PDE6A: variants seen among roughly 807,000 people sequenced by gnomAD.
The protein encoded by PDE6A is rod cGMP-specific 3',5'-cyclic phosphodiesterase subunit alpha.
Under a neutral mutation model 106.3 loss-of-function variants are expected in PDE6A, and 84 were observed. The ratio of observed to expected loss-of-function variants is 0.79; its 90% CI spans 0.66 to 0.95. The LOEUF is 0.95. Ranked by LOEUF, PDE6A falls within the 40% of genes least tolerant of loss-of-function variation. The pLI is 0.00. For missense variants in PDE6A, 1,052 were observed against 1,084.9 expected, an observed-to-expected ratio of 0.97 and a Z score of 0.43; for synonymous variants, 394 against 386.6, an observed-to-expected ratio of 1.02 and a Z score of -0.23.
rs1269635491 is a variant in PDE6A at position 149,907,307 on chromosome 5, C to T, written c.1065+5G>A. On this transcript the variant is annotated splice_donor_5th_base_variant and intron_variant, in intron 7 of 21. Coordinates refer to ENST00000255266, the MANE Select transcript of PDE6A (RefSeq NM_000440.3). The stretch of plus-strand genomic sequence containing the variant: ...ACTCTCCCCCTTCAAAGTTATATTA[C>T]TTACCAGGCCATTCTGGGCAACATA... 2 of 1,608,860 alleles carry T rather than the reference C, an allele frequency of 1.2e-6. No individual in the cohort carries two copies. The highest frequency in any genetic ancestry group is 2.2e-5 in the East Asian group (1 of 44,858).
rs1760201109 is a variant in PDE6A at position 149,863,118 on chromosome 5, CCTGACTTGGCCGA to C, written c.2494_2506del (p.Ser832GlnfsTer56). 6.2e-7 allele frequency: 1 copy of C among 1,614,220 alleles called. No individual in the cohort carries two copies. Among genetic ancestry groups the C allele is most frequent in the Non-Finnish European group, 8.5e-7 (1 of 1,180,040 alleles). ...AGTCCCTGCTTCCCCCTTCCACAAA[CCTGACTTGGCCGA>C]CTGCTGTTTCTGCTTCTTCTCCTCC... On this transcript the variant is annotated frameshift_variant and splice_region_variant, in exon 21 of 22. Coordinates refer to ENST00000255266, the MANE Select transcript of PDE6A (RefSeq NM_000440.3). LOFTEE classifies it high-confidence loss of function. The surrounding 1 kb of genome is among the most constrained non-coding windows in gnomAD (Gnocchi z 4.7).
chr5:149,902,815 C>A (rs1313998261), intron 8 of PDE6A, among the ~76,000 whole-genome samples: 1 of 149,386 alleles, frequency 6.7e-6, no homozygotes, highest in African/African-American at 2.5e-5. Flanking sequence ...GAGCGAGACT[C>A]CGTCTCAAAA....
At chr5:149,896,888 A>C (rs1173501527) in intron 10 of PDE6A, 112 bp from the exon 11 acceptor site, 2 of 1,172,316 alleles carry the variant, frequency 1.7e-6, no homozygotes, top group Non-Finnish European at 2.5e-6. Flanking sequence ...CCACCAGCTC[A>C]AAGAGGATTC....
rs1554089501 is a variant in PDE6A at position 149,903,164 on chromosome 5, A to AAC, written c.1113+483_1113+484insGT. Among the ~76,000 whole-genome samples, 487 of 148,170 alleles carry AAC rather than the reference A, an allele frequency of 3.3e-3. 4 individuals are homozygous for AAC. The highest frequency in any genetic ancestry group is 0.018 in the Middle Eastern group (5 of 284). On this transcript the variant is annotated intron_variant, in intron 8 of 21. Transcript: ENST00000255266. ...ACCCTCTCTAAAAAAAAAAAAAAAA[A>AAC]AAAACAAAAGAAAACAACAACAACG...
At chr5:149,866,449 G>T in intron 19 of PDE6A, 196 bp from the exon 20 acceptor site, 1 of 533,154 alleles carries the variant, frequency 1.9e-6, no homozygotes, top group South Asian at 2.2e-5. Flanking sequence ...CAGAATGTGG[G>T]AAACTGCACA....
chr5:149,880,907 A>G (rs1346715281), intron 17 of PDE6A, among the ~76,000 whole-genome samples: 1 of 151,982 alleles, frequency 6.6e-6, no homozygotes, highest in Non-Finnish European at 1.5e-5. Context: ...AAAAAATACA[A>G]AAAAATTTAG....
chr5:149,875,082 T>C (rs1760690485), intron 17 of PDE6A, among the ~76,000 whole-genome samples: 1 of 152,162 alleles, frequency 6.6e-6, no homozygotes, highest in Non-Finnish European at 1.5e-5. Context: ...AGCTACATGC[T>C]ACCCAGGTGT....
intron 5 of PDE6A, among the ~76,000 whole-genome samples, chr5:149,921,155 A>G (rs1053383903): frequency 6.6e-6 from 1 of 152,186 alleles, no homozygotes; most frequent in Non-Finnish European, 1.5e-5. Flanking sequence ...AGCCTTGAGT[A>G]GGTTGCTTGA....
At chr5:149,935,800 G>C (rs895699827) in intron 1 of PDE6A, among the ~76,000 whole-genome samples, 1 of 152,222 alleles carries the variant, frequency 6.6e-6, no homozygotes, top group Non-Finnish European at 1.5e-5. Context: ...AACATGCTCA[G>C]CTCACGCCGT....
chr5:149,939,587 C>T (rs962653634), intron 1 of PDE6A, among the ~76,000 whole-genome samples: 1 of 152,142 alleles, frequency 6.6e-6, no homozygotes, highest in African/African-American at 2.4e-5. Context: ...CAATAGGAGC[C>T]ATTACGGTGT....
chr5:149,903,033 T>C (rs1753038500), intron 8 of PDE6A, among the ~76,000 whole-genome samples: 1 of 146,910 alleles, frequency 6.8e-6, no homozygotes, highest in African/African-American at 2.5e-5. Flanking sequence ...ACCTATAGTC[T>C]AGCTAATTGG....
intron 20 of PDE6A, among the ~76,000 whole-genome samples, chr5:149,865,329 G>C (rs1345211262): frequency 6.6e-6 from 1 of 151,506 alleles, no homozygotes; most frequent in Non-Finnish European, 1.5e-5. Flanking sequence ...AGGATCATTT[G>C]GGCCTGGGAG....
At chr5:149,897,390 G>T (rs1479813212) in intron 10 of PDE6A, among the ~76,000 whole-genome samples, 1 of 152,156 alleles carries the variant, frequency 6.6e-6, no homozygotes, top group East Asian at 1.9e-4. Context: ...CTGGTTCACC[G>T]AGGCTGTGCC....
At chr5:149,897,998 G>C (rs1388275955) in intron 10 of PDE6A, among the ~76,000 whole-genome samples, 1 of 152,146 alleles carries the variant, frequency 6.6e-6, no homozygotes, top group Admixed American at 6.5e-5. Context: ...GCTATGGCTG[G>C]TTGACTCTGT....
rs73269791 is a variant in PDE6A, at chr5:149,936,686, A to T, written c.475-1968T>A. Among the ~76,000 whole-genome samples the T allele has an allele frequency of 3.0e-3, 452 of 152,356 alleles. 1 individual carries two copies. The highest frequency in any genetic ancestry group is 0.011 in the African/African-American group (439 of 41,596). On this transcript the variant is annotated intron_variant, in intron 1 of 21. Coordinates refer to ENST00000255266, the MANE Select transcript of PDE6A (RefSeq NM_000440.3). Reference sequence around the variant, plus strand: ...ATCATCCCTATATATTCAGCATATAAAGTGTTCTAAACAACCATGTCACAG... The same window carrying T: ...ATCATCCCTATATATTCAGCATATATAGTGTTCTAAACAACCATGTCACAG...
At chr5:149,920,790 T>A (rs983608543) in intron 5 of PDE6A, among the ~76,000 whole-genome samples, 1 of 151,728 alleles carries the variant, frequency 6.6e-6, no homozygotes, top group Non-Finnish European at 1.5e-5. Flanking sequence ...TTCCCAGCAC[T>A]TTGGGAGGCC....
At position 149,936,726 on chromosome 5, in the gene PDE6A, A is replaced by G. The variant is rs530803645; in HGVS notation, c.475-2008T>C. On this transcript the variant is annotated intron_variant, in intron 1 of 21. Transcript: ENST00000255266. ...CCATGTCACAGAATCTCAGATTATCAAAGGCAGAAGGAGACTTAGAAGCCA... is the reference window on the plus strand; with the variant it reads ...CCATGTCACAGAATCTCAGATTATCGAAGGCAGAAGGAGACTTAGAAGCCA... Among the ~76,000 whole-genome samples the G allele has an allele frequency of 2.0e-5, 3 of 152,342 alleles. No individual in the cohort carries two copies. The East Asian group carries it at 5.8e-4, about 29-fold the overall frequency.
intron 6 of PDE6A, among the ~76,000 whole-genome samples, chr5:149,909,232 C>G (rs1753296341): frequency 6.6e-6 from 1 of 152,090 alleles, no homozygotes; most frequent in Admixed American, 6.6e-5. Context: ...GCAAACCTGG[C>G]TCACTGCAGC....
intron 13 of PDE6A, among the ~76,000 whole-genome samples, chr5:149,890,976 G>T (rs912516650): frequency 3.3e-5 from 5 of 152,164 alleles, no homozygotes; most frequent in Non-Finnish European, 5.9e-5. Flanking sequence ...CTATGCACCT[G>T]AATTGGAGAA....
Sources: gnomAD v4.1 joint callset for allele counts (sites outside exome capture counted in the v4.1 genomes callset) on GRCh38, gnomAD v4.1.1 for gene constraint, Gnocchi (gnomAD v3.1) non-coding constraint, MANE v1.5 for transcripts, NCBI Gene and HGNC (gene_info 2026-07-23, HGNC 2026-07-21) for gene names.